Variants in GPAT3 observed in about 807,000 individuals in gnomAD.
GPAT3 encodes the protein glycerol-3-phosphate acyltransferase 3.
GPAT3 carries 53 observed loss-of-function variants against 58.8 expected under a neutral mutation model. That is an observed-to-expected ratio of 0.90 (90% CI 0.72 to 1.13). The LOEUF (loss-of-function observed/expected upper bound fraction) is 1.13, where lower values mean the gene tolerates loss of function less well. GPAT3 is among the 50% of genes most tolerant of loss of function. The probability of loss-of-function intolerance (pLI) is 0.00; values close to 1 mark genes in which losing one functional copy is unlikely to be tolerated. For synonymous variants in GPAT3, 197 were observed against 187.4 expected (o/e 1.05, Z -0.42); for missense variants, 511 against 527.6 (o/e 0.97, Z 0.31).
chr4:83,574,867 C>CTTTT lies in GPAT3; in HGVS notation c.209-6684_209-6681dup, dbSNP rs559690278. ...TTGGTCTACTCCCGAACATTTCTTTCTTTTTTTTTTTTTTGTTTTTTTTTT... is the reference window on the plus strand; with the variant it reads ...TTGGTCTACTCCCGAACATTTCTTTCTTTTTTTTTTTTTTTTTTGTTTTTTTTTT... On this transcript the variant is annotated intron_variant, in intron 2 of 11. Transcript: ENST00000264409. Among the ~76,000 whole-genome samples the CTTTT allele has an allele frequency of 1.6e-3, 179 of 112,788 alleles. 2 individuals are homozygous for CTTTT. The highest frequency in any genetic ancestry group is 2.2e-3 in the Non-Finnish European group (116 of 52,406). 74.0% of individuals were successfully genotyped at this position (112,788 alleles called of 152,430 possible).
intron 11 of GPAT3, 72 bp from the exon 12 acceptor site, chr4:83,604,595 TG>T: frequency 4.2e-6 from 5 of 1,189,966 alleles, no homozygotes; most frequent in South Asian, 4.1e-5. Flanking sequence ...TCATGCAGCA[TG>T]TAATTATTAA....
At chr4:83,568,726 C>T (rs1479756207) in intron 2 of GPAT3, among the ~76,000 whole-genome samples, 1 of 151,988 alleles carries the variant, frequency 6.6e-6, no homozygotes, top group Non-Finnish European at 1.5e-5. Flanking sequence ...CCAGGATAGG[C>T]TCGATCTCCT....
chr4:83,537,973 A>T (rs995242433), intron 1 of GPAT3, among the ~76,000 whole-genome samples: 4 of 152,228 alleles, frequency 2.6e-5, no homozygotes, highest in Admixed American at 2.0e-4. Context: ...ATGAGTTAAA[A>T]GGTATCAAGC....
chr4:83,587,802 T>A (rs904860087), intron 4 of GPAT3, among the ~76,000 whole-genome samples: 22 of 152,248 alleles, frequency 1.4e-4, no homozygotes, highest in African/African-American at 2.4e-4. Flanking sequence ...TTGATTTTTT[T>A]AAATCATACT....
intron 2 of GPAT3, among the ~76,000 whole-genome samples, chr4:83,557,282 A>G (rs1402790556): frequency 6.6e-6 from 1 of 152,258 alleles, no homozygotes; most frequent in East Asian, 1.9e-4. Flanking sequence ...CAATCGGAGT[A>G]TTGAAGTTAC....
intron 2 of GPAT3, among the ~76,000 whole-genome samples, chr4:83,563,157 G>GT (rs1257795027): frequency 2.6e-5 from 4 of 152,192 alleles, no homozygotes; most frequent in Non-Finnish European, 4.4e-5. Context: ...TCATACTGAT[G>GT]TTTTTCTGGG....
Position 83,579,017 on chromosome 4 carries a change from C to CCTTT in GPAT3, c.209-2485_209-2482dup, listed in dbSNP as rs756095198. ...CCTTCCTTCCTTCCTTCCTTCTTTC[C>CCTTT]CTTTCTTTCTTTCTTTCTTTCTTTC... On this transcript the variant is annotated intron_variant, in intron 2 of 11. Transcript: ENST00000264409. 7.9e-3 allele frequency among the ~76,000 whole-genome samples: 366 copies of CCTTT among 46,476 alleles called. 14 individuals carry two copies. Among genetic ancestry groups the CCTTT allele is most frequent in the Middle Eastern group, 0.013 (1 of 76 alleles). 30.5% of individuals were successfully genotyped at this position (46,476 alleles called of 152,430 possible).
intron 2 of GPAT3, among the ~76,000 whole-genome samples, chr4:83,574,854 C>T (rs1725736985): frequency 6.8e-6 from 1 of 146,646 alleles, no homozygotes; most frequent in Non-Finnish European, 1.5e-5. Flanking sequence ...GGTCTACTCC[C>T]GAACATTTCT....
At chr4:83,604,369 C>T (rs1578204976) in intron 11 of GPAT3, among the ~76,000 whole-genome samples, 1 of 152,102 alleles carries the variant, frequency 6.6e-6, no homozygotes, top group African/African-American at 2.4e-5. Flanking sequence ...CTGTGCCTGG[C>T]CAATCCAAAT....
At chr4:83,588,569 C>G (rs543873500) in intron 5 of GPAT3, among the ~76,000 whole-genome samples, 1 of 152,146 alleles carries the variant, frequency 6.6e-6, no homozygotes, top group Non-Finnish European at 1.5e-5. Context: ...TGTAGCTCAT[C>G]CCTATGAGAT....
chr4:83,597,053 A>G, intron 8 of GPAT3, 140 bp downstream of exon 8: 1 of 712,672 alleles, frequency 1.4e-6, no homozygotes, highest in East Asian at 2.9e-5. Context: ...TCTCTGAGTT[A>G]TTAATTCCTT....
At chr4:83,592,222 G>C (rs568301777) in intron 6 of GPAT3, among the ~76,000 whole-genome samples, 11 of 152,094 alleles carry the variant, frequency 7.2e-5, no homozygotes, top group Non-Finnish European at 1.3e-4. Context: ...TTTACTTTTA[G>C]ATCATGTATA....
intron 2 of GPAT3, among the ~76,000 whole-genome samples, chr4:83,556,489 C>CTT (rs1724945321): frequency 6.6e-6 from 1 of 150,460 alleles, no homozygotes; most frequent in Non-Finnish European, 1.5e-5. Context: ...CACAGTGAGA[C>CTT]TCAGTCTCAA....
chr4:83,584,099 G>A (rs1726273523), intron 3 of GPAT3, among the ~76,000 whole-genome samples: 1 of 152,186 alleles, frequency 6.6e-6, no homozygotes, highest in African/African-American at 2.4e-5. Flanking sequence ...TGCTTGAGAT[G>A]CCCTTGTTTG....
chr4:83,591,936 T>A (rs1726616351), intron 6 of GPAT3, among the ~76,000 whole-genome samples: 2 of 152,138 alleles, frequency 1.3e-5, no homozygotes, highest in South Asian at 4.1e-4. Context: ...TCTTGCTGAG[T>A]CATCACATGG....
chr4:83,578,877 C>T lies in GPAT3; in HGVS notation c.209-2685C>T, dbSNP rs546705730. ...ACTTTTTTCCTTCCTTCCTTCCTTC[C>T]CTCCCTTCCCTCCCTCCCTCTTTCT... On this transcript the variant is annotated intron_variant, in intron 2 of 11. Coordinates refer to ENST00000264409, the MANE Select transcript of GPAT3 (RefSeq NM_032717.5). 4.1e-5 allele frequency among the ~76,000 whole-genome samples: 6 copies of T among 145,324 alleles called. No individual in the cohort carries two copies. In the East Asian group the frequency reaches 8.2e-4, roughly 20 times the overall value.
intron 2 of GPAT3, among the ~76,000 whole-genome samples, chr4:83,548,769 T>C (rs1342052466): frequency 1.3e-5 from 2 of 152,294 alleles, no homozygotes; most frequent in South Asian, 2.1e-4. Flanking sequence ...ATTTAGCCCC[T>C]GTGCTAAATT....
chr4:83,566,473 G>C (rs1411536445), intron 2 of GPAT3, among the ~76,000 whole-genome samples: 1 of 149,302 alleles, frequency 6.7e-6, no homozygotes, highest in Non-Finnish European at 1.5e-5. Context: ...GGTTTCACCA[G>C]GTTGGCCAGG....
chr4:83,538,277 T>G (rs967675110), intron 1 of GPAT3, among the ~76,000 whole-genome samples: 2 of 152,224 alleles, frequency 1.3e-5, no homozygotes, highest in Non-Finnish European at 2.9e-5. Flanking sequence ...ACTTTGAAGT[T>G]GTATGTGATT....
Sources: gnomAD v4.1 joint callset for allele counts (sites outside exome capture counted in the v4.1 genomes callset) on GRCh38, gnomAD v4.1.1 for gene constraint, MANE v1.5 for transcripts, NCBI Gene and HGNC (gene_info 2026-07-23, HGNC 2026-07-21) for gene names.